Variants in PMFBP1 observed in about 807,000 individuals in gnomAD.
The protein encoded by PMFBP1 is polyamine-modulated factor 1-binding protein 1.
In PMFBP1, 131 loss-of-function variants were observed where a neutral mutation model predicts 137.8. The observed-to-expected ratio is 0.95, with a 90% CI of 0.82 to 1.10. PMFBP1 has a LOEUF of 1.10. PMFBP1 is among the 50% of genes least tolerant of loss of function. PMFBP1 has a pLI of 0.00. For synonymous variants in PMFBP1, 490 were observed against 450.4 expected (o/e 1.09, Z -1.11); for missense variants, 1,199 against 1,175.4 (o/e 1.02, Z -0.29).
rs2042499509 is a variant in PMFBP1, at chr16:72,128,677, T to C, written c.2068A>G (p.Ile690Val). Residue 690 changes from isoleucine to valine, a missense_variant, in exon 14 of 21, where the codon ATC (isoleucine) becomes GTC (valine). Physicochemically the swap from Ile to Val is conservative, Grantham distance 29. Coordinates refer to ENST00000237353, the MANE Select transcript of PMFBP1 (RefSeq NM_031293.3). ...LNKYNTSQQVIQDLNKEIALQ... is the reference protein window; with the variant it reads ...LNKYNTSQQVVQDLNKEIALQ... ...CTCACCTCTTTATTCAAGTCTTGGA[T>C]GACTTGCTGGCTGGTGTTGTATTTG... The C allele has an allele frequency of 6.2e-7, 1 of 1,614,080 alleles. No individual in the cohort carries two copies. The highest frequency in any genetic ancestry group is 1.3e-5 in the African/African-American group (1 of 74,934).
chr16:72,171,314 TC>T, intron 1 of PMFBP1, 46 bp from the exon 2 acceptor site: 1 of 1,309,060 alleles, frequency 7.6e-7, no homozygotes, highest in Non-Finnish European at 1.1e-6. Context: ...TAAATGAGCC[TC>T]TGCCCTTTAA....
At chr16:72,207,841 CAAG>C in the PMFBP1 span, among the ~76,000 whole-genome samples, 2 of 152,018 alleles carry the variant, frequency 1.3e-5, no homozygotes, top group African/African-American at 4.8e-5. Flanking sequence ...CTACAGTCAG[CAAG>C]AAGGAGACCC....
chr16:72,204,559 G>C, the PMFBP1 span, among the ~76,000 whole-genome samples: 1 of 152,304 alleles, frequency 6.6e-6, no homozygotes, highest in South Asian at 2.1e-4. Context: ...CAGGAGCACA[G>C]TCTGGATCAT....
In PMFBP1 at chr16:72,150,813, T is replaced by C. The variant is rs763400687; in HGVS notation, c.431A>G (p.Glu144Gly). 6.2e-7 allele frequency: 1 copy of C among 1,613,802 alleles called. No individual in the cohort carries two copies. Among genetic ancestry groups the C allele is most frequent in the Admixed American group, 1.7e-5 (1 of 60,030 alleles). Reference sequence around the variant, plus strand: ...GTTCTCGTTGTGATTTCCCATTTCCTCCTCATAGAGAATCACCTGTAGGTG... The same window carrying C: ...GTTCTCGTTGTGATTTCCCATTTCCCCCTCATAGAGAATCACCTGTAGGTG... ...LKEDEVILYE[E>G]EMGNHNENTG... Residue 144 changes from glutamate (E) to glycine (G), a missense_variant, in exon 5 of 21, where the codon GAG becomes GGG. Coordinates refer to ENST00000237353, the MANE Select transcript of PMFBP1 (RefSeq NM_031293.3).
chr16:72,218,038 C>T, the PMFBP1 span, among the ~76,000 whole-genome samples: 29,729 of 152,080 alleles, frequency 0.2, 3,300 homozygotes, highest in African/African-American at 0.3. Flanking sequence ...CTTATCCATA[C>T]AAGTGGCTGT....
intron 3 of PMFBP1, among the ~76,000 whole-genome samples, 199 bp from the exon 4 acceptor site, chr16:72,154,658 G>T (rs148284027): frequency 2.6e-5 from 4 of 151,848 alleles, no homozygotes; most frequent in African/African-American, 7.3e-5. Context: ...TCAGTAAGAA[G>T]AATTCAGTAG....
chr16:72,182,694 T>C, the PMFBP1 span, among the ~76,000 whole-genome samples: 1 of 152,188 alleles, frequency 6.6e-6, no homozygotes, highest in South Asian at 2.1e-4. Flanking sequence ...AAAATACCCA[T>C]GCCCTATAAT....
At chr16:72,200,082 C>A in the PMFBP1 span, among the ~76,000 whole-genome samples, 2 of 152,250 alleles carry the variant, frequency 1.3e-5, no homozygotes, top group Non-Finnish European at 2.9e-5. Flanking sequence ...TGGTAGCACA[C>A]AAGGCTCTGT....
At chr16:72,182,932 G>A in the PMFBP1 span, among the ~76,000 whole-genome samples, 3 of 152,104 alleles carry the variant, frequency 2.0e-5, no homozygotes, top group East Asian at 3.9e-4. Flanking sequence ...GCCCCTGCTT[G>A]GTTGACCAGT....
chr16:72,225,533 G>T, the PMFBP1 span, among the ~76,000 whole-genome samples: 1 of 151,206 alleles, frequency 6.6e-6, no homozygotes, highest in Non-Finnish European at 1.5e-5. Context: ...CTTTACACGG[G>T]GTCTCTACAA....
chr16:72,249,732 T>C, the PMFBP1 span, among the ~76,000 whole-genome samples: 2 of 150,256 alleles, frequency 1.3e-5, no homozygotes, highest in East Asian at 2.0e-4. Context: ...CTGGCTGACA[T>C]GGTGAAACCC....
Position 72,119,965 on chromosome 16 carries a change from T to A in PMFBP1, c.2893A>T (p.Thr965Ser). Residue 965 changes from threonine to serine, a missense_variant, in exon 20 of 21, where the codon ACG becomes TCG. By Grantham distance (58) the Thr-to-Ser change is moderately conservative. Coordinates refer to ENST00000237353, the MANE Select transcript of PMFBP1 (RefSeq NM_031293.3). The stretch of plus-strand genomic sequence containing the variant: ...ACTTTCTCCCTCTGTGTGGACTCCG[T>A]TCTGCTCGGGCCTAGGGCTTTGGTG... ...LCTKALGPSRTESTQREKVCG... is the reference protein window; with the variant it reads ...LCTKALGPSRSESTQREKVCG... 1 of 1,614,188 alleles carries A rather than the reference T, an allele frequency of 6.2e-7. No individual in the cohort carries two copies. The highest frequency in any genetic ancestry group is 8.5e-7 in the Non-Finnish European group (1 of 1,180,034).
Position 72,124,798 on chromosome 16 carries a change from A to C in PMFBP1, c.2558T>G (p.Leu853Ter). ...LREFQEEMAA[L>*]KENLLEDDKE... ...ATCGTCCTCAAGGAGGTTCTCTTTT[A>C]AGGCGGCCATCTCCTCCTGGAACTC... is the stretch of plus-strand genomic sequence containing the variant. Residue 853 changes from leucine (L) to a stop codon, truncating the protein, a stop_gained, in exon 17 of 21, where the codon TTA becomes TGA. Transcript: ENST00000237353. LOFTEE classifies it high-confidence loss of function. The C allele has an allele frequency of 1.2e-6, 2 of 1,614,002 alleles. No individual in the cohort carries two copies. Among genetic ancestry groups the C allele is most frequent in the African/African-American group, 2.7e-5 (2 of 75,018 alleles).
At chr16:72,148,890 CT>C (rs1336139640) in intron 5 of PMFBP1, among the ~76,000 whole-genome samples, 2 of 152,150 alleles carry the variant, frequency 1.3e-5, no homozygotes, top group African/African-American at 2.4e-5. Flanking sequence ...GGCCAAGCAC[CT>C]CTCCCTATGG....
upstream of PMFBP1, among the ~76,000 whole-genome samples, chr16:72,180,337 T>G (rs1225180023): frequency 6.6e-6 from 1 of 152,152 alleles, no homozygotes; most frequent in African/African-American, 2.4e-5. Flanking sequence ...CCAGAGCCAC[T>G]TGTTCTGCCT....
intron 6 of PMFBP1, among the ~76,000 whole-genome samples, chr16:72,139,714 C>T (rs748911135): frequency 6.6e-6 from 1 of 152,096 alleles, no homozygotes; most frequent in African/African-American, 2.4e-5. Context: ...TATACCTAAT[C>T]TATCAGAGGA....
chr16:72,130,426 C>T (rs1597463381), intron 11 of PMFBP1, 69 bp from the exon 12 acceptor site: 2 of 1,608,558 alleles, frequency 1.2e-6, no homozygotes, highest in East Asian at 4.5e-5. Context: ...GGAGCTGACC[C>T]AATGGGAAAT....
At chr16:72,197,285 A>C in the PMFBP1 span, among the ~76,000 whole-genome samples, 1 of 152,234 alleles carries the variant, frequency 6.6e-6, no homozygotes, top group Non-Finnish European at 1.5e-5. Context: ...GGAATCTTTT[A>C]TTAACATATT....
At chr16:72,128,454 A>G (rs2042494731) in intron 14 of PMFBP1, 2 of 1,524,776 alleles carry the variant, frequency 1.3e-6, no homozygotes, top group Non-Finnish European at 1.8e-6. Context: ...ATGAGATGAG[A>G]CCTTCCACAT....
Sources: allele counts gnomAD v4.1 joint callset (sites outside exome capture counted in the v4.1 genomes callset), GRCh38; gene constraint gnomAD v4.1.1; transcripts MANE v1.5; gene names NCBI Gene and HGNC (gene_info 2026-07-23, HGNC 2026-07-21).